The following ADK variants were observed in gnomAD, a reference collection of about 807,000 sequenced individuals.
The protein encoded by ADK is adenosine kinase, also known as N6,N6-dimethyladenosine kinase.
A neutral mutation model predicts 44.7 loss-of-function variants in ADK; 24 were observed. The observed-to-expected ratio is 0.54, with a 90% confidence interval of 0.39 to 0.76. ADK has a LOEUF of 0.76. Among genes scored for constraint, ADK ranks in the 30% least tolerant of loss-of-function variants. The pLI, the probability that ADK is intolerant of heterozygous loss-of-function variation, is 0.00. For missense variants in ADK, 321 were observed against 425.1 expected, an observed-to-expected ratio of 0.76 and a Z score of 2.15; for synonymous variants, 128 against 142.6, an observed-to-expected ratio of 0.90 and a Z score of 0.73.
chr10:74,661,321 T>C (rs1216349251), intron 9 of ADK: 1 of 966,012 alleles, frequency 1.0e-6, no homozygotes, highest in African/African-American at 1.8e-5. Context: ...AATGACAACT[T>C]TGGGATCATA....
chr10:74,538,644 A>G lies in ADK; in HGVS notation c.726+13218A>G, dbSNP rs936073948. On this transcript the variant is annotated intron_variant, in intron 7 of 10. Coordinates refer to ENST00000539909, the MANE Select transcript of ADK (RefSeq NM_006721.4). ...TTTAGGTTTGTTATCCATGTCCTCTAAGCCTGAATGATGCTTGTATCTCTT... is the reference window on the plus strand; with the variant it reads ...TTTAGGTTTGTTATCCATGTCCTCTGAGCCTGAATGATGCTTGTATCTCTT... Among the ~76,000 whole-genome samples the G allele has an allele frequency of 2.6e-5, 4 of 152,322 alleles. No homozygotes were observed. The East Asian group carries it at 7.7e-4, about 29-fold the overall frequency.
intron 3 of ADK, among the ~76,000 whole-genome samples, chr10:74,297,227 G>T (rs1438362546): frequency 6.6e-6 from 1 of 152,140 alleles, no homozygotes; most frequent in Non-Finnish European, 1.5e-5. Context: ...AGGTAAATTT[G>T]AGTGTTGTAT....
chr10:74,453,906 A>G (rs1418898698), intron 6 of ADK, among the ~76,000 whole-genome samples: 1 of 152,102 alleles, frequency 6.6e-6, no homozygotes, highest in East Asian at 1.9e-4. Flanking sequence ...AGTAATTGCT[A>G]AAAAATTCAA....
chr10:74,571,183 G>T (rs1448301035), intron 7 of ADK, among the ~76,000 whole-genome samples: 1 of 149,184 alleles, frequency 6.7e-6, no homozygotes, highest in Non-Finnish European at 1.5e-5. Context: ...TGCTGGATTC[G>T]GTTTGCCAGT....
At chr10:74,643,967 C>T (rs972315498) in intron 9 of ADK, among the ~76,000 whole-genome samples, 1 of 152,214 alleles carries the variant, frequency 6.6e-6, no homozygotes, top group Admixed American at 6.5e-5. Context: ...TAGCATCAAA[C>T]ACCAGACTCA....
intron 3 of ADK, among the ~76,000 whole-genome samples, chr10:74,295,720 C>T (rs1438733099): frequency 6.6e-6 from 1 of 150,694 alleles, no homozygotes; most frequent in Non-Finnish European, 1.5e-5. Flanking sequence ...CTGGTGATAC[C>T]CTTGAAGCCT....
chr10:74,612,960 T>C (rs1286720968), intron 9 of ADK, among the ~76,000 whole-genome samples: 1 of 152,034 alleles, frequency 6.6e-6, no homozygotes, highest in Non-Finnish European at 1.5e-5. Context: ...TACTTCTGGG[T>C]TCTCTATTTT....
intron 6 of ADK, among the ~76,000 whole-genome samples, chr10:74,431,571 T>C (rs1048700172): frequency 6.6e-6 from 1 of 152,092 alleles, no homozygotes; most frequent in African/African-American, 2.4e-5. Context: ...TGAAATCTTA[T>C]CTCCACTAAA....
chr10:74,692,573 G>C (rs899757597), intron 10 of ADK, among the ~76,000 whole-genome samples: 2 of 152,168 alleles, frequency 1.3e-5, no homozygotes, highest in Non-Finnish European at 1.5e-5. Flanking sequence ...ATGAAAGAAG[G>C]CAGTCTTAAA....
At chr10:74,461,020 C>T (rs902707122) in intron 6 of ADK, among the ~76,000 whole-genome samples, 2 of 152,094 alleles carry the variant, frequency 1.3e-5, no homozygotes, top group Non-Finnish European at 2.9e-5. Context: ...TATTGAAATA[C>T]TGCTAATGGA....
intron 10 of ADK, among the ~76,000 whole-genome samples, chr10:74,686,389 G>A (rs140619296): frequency 6.6e-6 from 1 of 152,126 alleles, no homozygotes; most frequent in Non-Finnish European, 1.5e-5. Flanking sequence ...ACTTTAAGAG[G>A]TGATTAGGCC....
chr10:74,641,553 C>T (rs1479963410), intron 9 of ADK: 1 of 152,032 alleles, frequency 6.6e-6, no homozygotes, highest in Non-Finnish European at 1.5e-5. Context: ...CAGGCTTCAG[C>T]TAGTATAGTT....
chr10:74,271,676 C>A (rs1004032897), intron 3 of ADK, among the ~76,000 whole-genome samples: 2 of 146,880 alleles, frequency 1.4e-5, no homozygotes, highest in Admixed American at 1.4e-4. Context: ...GGTTTTTTGT[C>A]CTTGTGATAG....
chr10:74,445,478 A>G lies in ADK; in HGVS notation c.555+46899A>G, dbSNP rs139702369. On this transcript the variant is annotated intron_variant, in intron 6 of 10. Transcript: ENST00000539909. ...TACATTCCTTATAACATACTTTTAT[A>G]CTCATTCCTTTATATATTCCTTTAC... Among the ~76,000 whole-genome samples the G allele has an allele frequency of 8.3e-4, 127 of 152,102 alleles. 2 individuals are homozygous for G. In the East Asian group the frequency reaches 0.024, roughly 29 times the overall value.
At chr10:74,460,683 A>T (rs1037850137) in intron 6 of ADK, among the ~76,000 whole-genome samples, 1 of 152,166 alleles carries the variant, frequency 6.6e-6, no homozygotes, top group Non-Finnish European at 1.5e-5. Flanking sequence ...ACTGCATTTA[A>T]CTGTAGTATA....
chr10:74,553,194 T>G (rs1318440165), intron 7 of ADK, among the ~76,000 whole-genome samples: 1 of 82,076 alleles, frequency 1.2e-5, no homozygotes, highest in Middle Eastern at 5.4e-3. Flanking sequence ...CATTGTGTTT[T>G]TTTTTTTTTT....
chr10:74,242,756 A>G (rs1342247591), intron 3 of ADK, among the ~76,000 whole-genome samples: 1 of 152,166 alleles, frequency 6.6e-6, no homozygotes, highest in African/African-American at 2.4e-5. Context: ...GGCCTGCCCC[A>G]CCCGCATCCT....
intron 7 of ADK, among the ~76,000 whole-genome samples, chr10:74,579,848 C>T (rs1281420551): frequency 1.3e-5 from 2 of 152,194 alleles, no homozygotes; most frequent in Non-Finnish European, 2.9e-5. Context: ...ATAAGTGGAA[C>T]ATTTCCTGAA....
rs375670529 is a variant in ADK at position 74,261,554 on chromosome 10, G to A, written c.194+36963G>A. 1.3e-4 allele frequency among the ~76,000 whole-genome samples: 20 copies of A among 152,294 alleles called. No homozygotes were observed. In the South Asian group the frequency reaches 3.9e-3, roughly 30 times the overall value. ...CCAGAGCTTCCTGAGAAAAGAATAT[G>A]TGAGAAATAAAATTTTTCCATACAT... On this transcript the variant is annotated intron_variant, in intron 3 of 10. Transcript: ENST00000539909.
Sources: gnomAD v4.1 joint callset for allele counts (sites outside exome capture counted in the v4.1 genomes callset) on GRCh38, gnomAD v4.1.1 for gene constraint, MANE v1.5 for transcripts, NCBI Gene and HGNC (gene_info 2026-07-23, HGNC 2026-07-21) for gene names.